Variants in GRM7 observed in about 807,000 individuals in gnomAD.
The protein encoded by GRM7 is metabotropic glutamate receptor 7.
A neutral mutation model predicts 84.5 loss-of-function variants in GRM7; 35 were observed. The observed-to-expected ratio is 0.41, with a 90% CI of 0.32 to 0.55. GRM7 has a LOEUF of 0.55. Among genes scored for constraint, GRM7 ranks in the 20% least tolerant of loss-of-function variants. The probability of loss-of-function intolerance (pLI) is 0.19; values close to 1 mark genes in which losing one functional copy is unlikely to be tolerated. For synonymous variants in GRM7, 487 were observed against 455.1 expected, an observed-to-expected ratio of 1.07 and a Z score of -0.89; for missense variants, 1,003 against 1,194.6, an observed-to-expected ratio of 0.84 and a Z score of 2.36.
At chr3:6,902,873 A>G (rs2125006277) in intron 1 of GRM7, among the ~76,000 whole-genome samples, 1 of 151,838 alleles carries the variant, frequency 6.6e-6, no homozygotes, top group Middle Eastern at 3.4e-3. Context: ...ACACACACAC[A>G]CACACACACC....
At chr3:6,936,137 G>T (rs985004298) in intron 1 of GRM7, among the ~76,000 whole-genome samples, 3 of 152,096 alleles carry the variant, frequency 2.0e-5, no homozygotes, top group African/African-American at 7.2e-5. Flanking sequence ...AGCATTCAAG[G>T]TTCCTCCAGC....
intron 1 of GRM7, among the ~76,000 whole-genome samples, chr3:6,899,207 C>T (rs902045747): frequency 3.9e-5 from 6 of 152,148 alleles, no homozygotes; most frequent in African/African-American, 1.2e-4. Context: ...AGTTCTTTTA[C>T]ATATCTTTTC....
chr3:7,384,165 AC>A (rs1220765010), intron 4 of GRM7, among the ~76,000 whole-genome samples: 3 of 152,074 alleles, frequency 2.0e-5, no homozygotes, highest in African/African-American at 4.8e-5. Flanking sequence ...AGTAGCTGGG[AC>A]AGTAGGCACA....
intron 1 of GRM7, among the ~76,000 whole-genome samples, chr3:6,866,910 A>G (rs191528526): frequency 6.6e-6 from 1 of 152,302 alleles, no homozygotes; most frequent in East Asian, 1.9e-4. Context: ...GATAAATGGG[A>G]ACACTATCTC....
Position 7,037,293 on chromosome 3 carries a change from C to T in GRM7, c.520-109159C>T, listed in dbSNP as rs550891034. ...GTGCAAAAGTAATTGTGGCTTTTGT[C>T]GTTACTTTTAATACACTTAATACAT... On this transcript the variant is annotated intron_variant, in intron 1 of 9. Transcript: ENST00000357716. 3.9e-5 allele frequency among the ~76,000 whole-genome samples: 6 copies of T among 152,166 alleles called. 1 individual carries two copies. Among genetic ancestry groups the T allele is most frequent in the African/African-American group, 1.2e-4 (5 of 41,498 alleles).
At chr3:7,034,597 G>A (rs1357599264) in intron 1 of GRM7, among the ~76,000 whole-genome samples, 1 of 152,074 alleles carries the variant, frequency 6.6e-6, no homozygotes, top group Non-Finnish European at 1.5e-5. Flanking sequence ...GACTCTAGTA[G>A]TCATGTAATT....
In GRM7 at chr3:7,241,048, C is replaced by T. The variant is rs1009413509; in HGVS notation, c.737-57636C>T. Among the ~76,000 whole-genome samples, 14 of 152,210 alleles carry T rather than the reference C, an allele frequency of 9.2e-5. No homozygotes were observed. The East Asian group carries it at 2.5e-3, about 27-fold the overall frequency. ...ACTCTATGATGTTTGACAAAATCCC[C>T]TCATGGTACAGCACTCAGAACATAC... On this transcript the variant is annotated intron_variant, in intron 2 of 9. Coordinates refer to ENST00000357716, the MANE Select transcript of GRM7 (RefSeq NM_000844.4).
chr3:7,642,647 A>C (rs1015418311), intron 8 of GRM7, among the ~76,000 whole-genome samples: 1 of 152,298 alleles, frequency 6.6e-6, no homozygotes, highest in Middle Eastern at 3.4e-3. Flanking sequence ...TACCAAGGTA[A>C]GTGAAGTATC....
intron 7 of GRM7, among the ~76,000 whole-genome samples, chr3:7,577,190 G>T (rs1954544253): frequency 6.6e-6 from 1 of 152,184 alleles, no homozygotes. Flanking sequence ...GTGGCTAGGA[G>T]GTTGGAATGT....
intron 8 of GRM7, among the ~76,000 whole-genome samples, chr3:7,641,102 A>T (rs1240078693): frequency 6.6e-6 from 1 of 152,212 alleles, no homozygotes; most frequent in Non-Finnish European, 1.5e-5. Context: ...TTAGTTAGTG[A>T]AAGGAAAAAT....
chr3:7,290,640 G>A (rs1699588469), intron 2 of GRM7, among the ~76,000 whole-genome samples: 1 of 152,110 alleles, frequency 6.6e-6, no homozygotes, highest in East Asian at 1.9e-4. Context: ...TCAGTTTCCT[G>A]TGGTTTGTCT....
At chr3:7,661,817 A>AAAAAAAAAAAAAAAAAAAAAAC (rs1699464769) in intron 8 of GRM7, among the ~76,000 whole-genome samples, 1 of 145,038 alleles carries the variant, frequency 6.9e-6, no homozygotes, top group Non-Finnish European at 1.5e-5. Context: ...AAAAAAAAAA[A>AAAAAAAAAAAAAAAAAAAAAAC]AAATGTAAAA....
Position 7,514,435 on chromosome 3 carries a change from G to A in GRM7, c.1515+52713G>A, listed in dbSNP as rs146535939. Among the ~76,000 whole-genome samples the A allele has an allele frequency of 3.3e-3, 510 of 152,272 alleles. 1 individual carries two copies. Among genetic ancestry groups the A allele is most frequent in the Non-Finnish European group, 5.7e-3 (390 of 68,024 alleles). ...TTCAGTAAGCTTACCAGAGTATTCC[G>A]ACACAAGCTACATTTTCAGAAGTTT... is the stretch of plus-strand genomic sequence containing the variant. On this transcript the variant is annotated intron_variant, in intron 7 of 9. Coordinates refer to ENST00000357716, the MANE Select transcript of GRM7 (RefSeq NM_000844.4).
chr3:7,063,988 C>A (rs976056800), intron 1 of GRM7, among the ~76,000 whole-genome samples: 5 of 151,264 alleles, frequency 3.3e-5, no homozygotes, highest in Non-Finnish European at 7.4e-5. Context: ...AGCGTGGGAT[C>A]TTCTGATCCA....
intron 9 of GRM7, chr3:7,681,401 C>T (rs924671642): frequency 6.6e-6 from 1 of 152,136 alleles, no homozygotes; most frequent in African/African-American, 2.4e-5. Flanking sequence ...TAATAAAAAC[C>T]AAGAAGCCAA....
At chr3:7,409,821 C>T (rs933774333) in intron 4 of GRM7, among the ~76,000 whole-genome samples, 1 of 152,086 alleles carries the variant, frequency 6.6e-6, no homozygotes, top group Non-Finnish European at 1.5e-5. Flanking sequence ...AGGATGGTCT[C>T]GATCTCCTGA....
chr3:7,395,449 A>G (rs1372942403), intron 4 of GRM7, among the ~76,000 whole-genome samples: 1 of 152,088 alleles, frequency 6.6e-6, no homozygotes, highest in Non-Finnish European at 1.5e-5. Flanking sequence ...CACCATTTCT[A>G]CTAGAGAGGA....
chr3:7,221,823 T>G lies in GRM7; in HGVS notation c.736+75155T>G, dbSNP rs867995706. ...TCTTGTATTTTTTTTTTTTTTTTTT[T>G]TGTGATGGAGTCTTACTCTGTCGCC... On this transcript the variant is annotated intron_variant, in intron 2 of 9. Coordinates refer to ENST00000357716, the MANE Select transcript of GRM7 (RefSeq NM_000844.4). 1.9e-4 allele frequency among the ~76,000 whole-genome samples: 28 copies of G among 145,628 alleles called. 2 individuals carry two copies. The highest frequency in any genetic ancestry group is 1.5e-3 in the South Asian group (7 of 4,646).
chr3:7,533,824 G>A (rs559247984), intron 7 of GRM7, among the ~76,000 whole-genome samples: 1 of 152,024 alleles, frequency 6.6e-6, no homozygotes, highest in African/African-American at 2.4e-5. Context: ...AATTCAAAAG[G>A]GTAATAGGAG....
Sources: allele counts gnomAD v4.1 joint callset (sites outside exome capture counted in the v4.1 genomes callset), GRCh38; gene constraint gnomAD v4.1.1; transcripts MANE v1.5; gene names NCBI Gene and HGNC (gene_info 2026-07-23, HGNC 2026-07-21).